GPR141: variants seen among roughly 807,000 people sequenced by gnomAD.
GPR141 encodes probable G protein-coupled receptor 141.
In GPR141, 6 loss-of-function variants were observed where a neutral mutation model predicts 6.8. The observed-to-expected ratio is 0.88, with a 90% confidence interval of 0.48 to 1.74. The LOEUF is 1.74. Ranked by LOEUF, GPR141 falls within the 40% of genes most tolerant of loss-of-function variation. The pLI, the probability that GPR141 is intolerant of heterozygous loss-of-function variation, is 0.01. For synonymous variants in GPR141, 140 were observed against 142.3 expected (o/e 0.98, Z 0.11); for missense variants, 372 against 372.9 (o/e 1.00, Z 0.02).
chr7:37,694,667 A>G (rs2131738738), intron 2 of GPR141, among the ~76,000 whole-genome samples: 1 of 152,338 alleles, frequency 6.6e-6, no homozygotes, highest in East Asian at 1.9e-4. Context: ...ACATGGCAAG[A>G]GAGGAAGCAA....
intron 2 of GPR141, among the ~76,000 whole-genome samples, chr7:37,715,975 G>A (rs754115525): frequency 1.3e-5 from 2 of 152,128 alleles, no homozygotes; most frequent in Admixed American, 6.5e-5. Flanking sequence ...GGGGTGAGGC[G>A]GGGGTGAAAT....
chr7:37,739,349 A>G (rs1005663269), intron 2 of GPR141, among the ~76,000 whole-genome samples: 3 of 152,204 alleles, frequency 2.0e-5, no homozygotes, highest in Middle Eastern at 3.2e-3. Flanking sequence ...TGAGAGTATC[A>G]AGACACTTCT....
intron 2 of GPR141, among the ~76,000 whole-genome samples, chr7:37,717,721 T>C (rs1304539561): frequency 1.3e-5 from 2 of 152,224 alleles, no homozygotes; most frequent in East Asian, 3.8e-4. Context: ...TATCTTATTT[T>C]ACCTTCATGA....
chr7:37,735,352 G>C (rs944963190), intron 2 of GPR141, among the ~76,000 whole-genome samples: 1 of 152,176 alleles, frequency 6.6e-6, no homozygotes, highest in Non-Finnish European at 1.5e-5. Flanking sequence ...CTGGGACTTG[G>C]GGGGATGGGA....
intron 2 of GPR141, among the ~76,000 whole-genome samples, chr7:37,731,315 A>G (rs371067618): frequency 3.9e-5 from 6 of 152,328 alleles, no homozygotes; most frequent in African/African-American, 1.4e-4. Flanking sequence ...GTGATTGTCC[A>G]GCTCTGCTGG....
intron 2 of GPR141, among the ~76,000 whole-genome samples, chr7:37,737,805 G>A (rs1812319275): frequency 6.6e-6 from 1 of 152,102 alleles, no homozygotes; most frequent in African/African-American, 2.4e-5. Flanking sequence ...CACTCTAGAT[G>A]CAAAAAGTCT....
At chr7:37,715,068 G>A (rs1193865976) in intron 2 of GPR141, among the ~76,000 whole-genome samples, 4 of 152,126 alleles carry the variant, frequency 2.6e-5, no homozygotes, top group Admixed American at 6.6e-5. Context: ...AACAAGAATT[G>A]TTGGCTATTG....
intron 2 of GPR141, among the ~76,000 whole-genome samples, chr7:37,693,118 AG>A (rs1452207001): frequency 1.3e-5 from 2 of 152,122 alleles, no homozygotes; most frequent in Non-Finnish European, 2.9e-5. Context: ...GTTTTCTTCT[AG>A]GGTTTTTATG....
chr7:37,725,112 G>T (rs1811561478), intron 2 of GPR141, among the ~76,000 whole-genome samples: 1 of 152,120 alleles, frequency 6.6e-6, no homozygotes, highest in Non-Finnish European at 1.5e-5. Context: ...TGGTCCAAGG[G>T]TTCCTTCTCT....
intron 2 of GPR141, among the ~76,000 whole-genome samples, chr7:37,721,311 A>G (rs1479921065): frequency 1.3e-5 from 2 of 152,200 alleles, no homozygotes; most frequent in African/African-American, 4.8e-5. Flanking sequence ...TAAGTATCAT[A>G]TAAGAAATTT....
intron 2 of GPR141, among the ~76,000 whole-genome samples, chr7:37,730,284 A>G (rs1251664845): frequency 2.0e-5 from 3 of 152,204 alleles, no homozygotes; most frequent in Non-Finnish European, 2.9e-5. Context: ...GCTACGGCAC[A>G]TGCTATATTT....
At chr7:37,690,981 A>G (rs1809733024) in intron 2 of GPR141, among the ~76,000 whole-genome samples, 4 of 152,170 alleles carry the variant, frequency 2.6e-5, no homozygotes, top group Admixed American at 2.6e-4. Context: ...TGTTTTATGT[A>G]TCTATGTGCT....
intron 2 of GPR141, among the ~76,000 whole-genome samples, chr7:37,714,345 A>G (rs1810951953): frequency 6.6e-6 from 1 of 152,176 alleles, no homozygotes; most frequent in Non-Finnish European, 1.5e-5. Context: ...TGCTACTGGA[A>G]CTAGCCAGTG....
chr7:37,720,009 C>T (rs1012759398), intron 2 of GPR141, among the ~76,000 whole-genome samples: 1 of 152,154 alleles, frequency 6.6e-6, no homozygotes, highest in Admixed American at 6.5e-5. Flanking sequence ...CTGGAACCAG[C>T]CTCTGAAGGG....
intron 2 of GPR141, among the ~76,000 whole-genome samples, chr7:37,731,030 T>A (rs2131842637): frequency 6.6e-6 from 1 of 152,348 alleles, no homozygotes; most frequent in South Asian, 2.1e-4. Flanking sequence ...ATGTTTACTT[T>A]GGCTGAATTG....
At chr7:37,686,179 T>G (rs1446411178) in intron 2 of GPR141, among the ~76,000 whole-genome samples, 2 of 150,490 alleles carry the variant, frequency 1.3e-5, no homozygotes, top group Non-Finnish European at 3.0e-5. Flanking sequence ...TTTTTTTTTT[T>G]TCTTTAGAGA....
At chr7:37,737,104 C>T (rs967030941) in intron 2 of GPR141, among the ~76,000 whole-genome samples, 4 of 151,592 alleles carry the variant, frequency 2.6e-5, no homozygotes, top group African/African-American at 9.7e-5. Context: ...ATAAAGATTG[C>T]AAGAAAAAGG....
At chr7:37,689,533 G>C (rs1254675751) in intron 2 of GPR141, among the ~76,000 whole-genome samples, 1 of 152,008 alleles carries the variant, frequency 6.6e-6, no homozygotes, top group Non-Finnish European at 1.5e-5. Flanking sequence ...GCTTTTCTTT[G>C]ATGGGAGACT....
At chr7:37,707,652 G>A (rs1810585071) in intron 2 of GPR141, among the ~76,000 whole-genome samples, 1 of 152,160 alleles carries the variant, frequency 6.6e-6, no homozygotes, top group South Asian at 2.1e-4. Context: ...AAATTATGGA[G>A]ACATTAAGTA....
Sources: allele counts gnomAD v4.1 joint callset (sites outside exome capture counted in the v4.1 genomes callset), GRCh38; gene constraint gnomAD v4.1.1; transcripts MANE v1.5; gene names NCBI Gene and HGNC (gene_info 2026-07-23, HGNC 2026-07-21).